The following NF1 variants were observed in gnomAD, a reference collection of about 807,000 sequenced individuals.
The protein encoded by NF1 is neurofibromin 1.
A neutral mutation model predicts 325.7 loss-of-function variants in NF1; 122 were observed. The ratio of observed to expected loss-of-function variants is 0.37; its 90% CI spans 0.32 to 0.44. NF1 has a LOEUF of 0.44. Among genes scored for constraint, NF1 ranks in the 20% least tolerant of loss-of-function variants. The probability of loss-of-function intolerance (pLI) is 1.00; values close to 1 mark genes in which losing one functional copy is unlikely to be tolerated. For missense variants in NF1, 2,140 were observed against 3,415.4 expected, an observed-to-expected ratio of 0.63 and a Z score of 9.31; for synonymous variants, 1,091 against 1,186.0, an observed-to-expected ratio of 0.92 and a Z score of 1.65.
chr17:31,128,299 C>G (rs887394073), intron 1 of NF1, among the ~76,000 whole-genome samples: 1 of 152,006 alleles, frequency 6.6e-6, no homozygotes. Flanking sequence ...TGCCTTTTAA[C>G]TGGGGCATTT....
chr17:31,305,060 A>C, intron 36 of NF1: 1 of 1,614,178 alleles, frequency 6.2e-7, no homozygotes, highest in Non-Finnish European at 8.5e-7. Context: ...TCTAAGATAA[A>C]TCCTGGTGTA....
intron 32 of NF1, 137 bp from the exon 33 acceptor site, chr17:31,258,895 G>A (rs2151462727): frequency 3.4e-6 from 2 of 579,924 alleles, no homozygotes; most frequent in Admixed American, 3.1e-5. Flanking sequence ...ATAATTTATA[G>A]AATGAGGAAT....
At chr17:31,367,307 GA>G in intron 57 of NF1, 1 of 1,279,218 alleles carries the variant, frequency 7.8e-7, no homozygotes, top group Non-Finnish European at 1.0e-6. Context: ...ATCTTTGCAC[GA>G]AAATACTGCT....
chr17:31,150,086 G>A (rs1265880583), intron 1 of NF1, among the ~76,000 whole-genome samples: 2 of 152,158 alleles, frequency 1.3e-5, no homozygotes, highest in African/African-American at 4.8e-5. Context: ...TATACAGGTC[G>A]AGTATCCCGT....
At chr17:31,280,402 A>C (rs774660615) in intron 36 of NF1, among the ~76,000 whole-genome samples, 2 of 150,796 alleles carry the variant, frequency 1.3e-5, no homozygotes, top group Non-Finnish European at 3.0e-5. Context: ...CTGTAATCCC[A>C]GCTACTCAGG....
chr17:31,337,958 A>G, intron 44 of NF1, 67 bp from the exon 45 acceptor site: 1 of 1,531,762 alleles, frequency 6.5e-7, no homozygotes. Flanking sequence ...GATCAATGTT[A>G]TAATTTATTA....
chr17:31,223,473 A>G lies in NF1; in HGVS notation c.1751A>G (p.Lys584Arg). The G allele has an allele frequency of 6.2e-7, 1 of 1,612,976 alleles. No individual in the cohort carries two copies. Among genetic ancestry groups the G allele is most frequent in the Admixed American group, 1.7e-5 (1 of 59,982 alleles). ...CAAATGCTTTTTTACATCTGCAAGA[A>G]ATTAACTAGTCATCAAATGCTTAGT... ...SSQMLFYICK[K>R]LTSHQMLSST... is the part of the protein sequence containing the mutation. Residue 584 changes from lysine to arginine, a missense_variant, in exon 16 of 58, where the codon AAA (lysine) becomes AGA (arginine). Coordinates refer to ENST00000358273, the MANE Select transcript of NF1 (RefSeq NM_001042492.3).
chr17:31,332,481 G>GAATA lies in NF1; in HGVS notation c.5812+1987_5812+1990dup, dbSNP rs761240017. Among the ~76,000 whole-genome samples, 23 of 151,206 alleles carry GAATA rather than the reference G, an allele frequency of 1.5e-4. No individual in the cohort carries two copies. The East Asian group carries it at 2.9e-3, about 19-fold the overall frequency. On this transcript the variant is annotated intron_variant, in intron 39 of 57. Transcript: ENST00000358273. ...TCTGTCTCAAAATAAATAAATGAAT[G>GAATA]AATAAATGAATGAATGAATGAATAA...
intron 36 of NF1, among the ~76,000 whole-genome samples, chr17:31,285,969 T>A (rs2068219406): frequency 6.6e-6 from 1 of 152,150 alleles, no homozygotes; most frequent in Non-Finnish European, 1.5e-5. Context: ...GAAAATGAGG[T>A]GTATCATGTG....
chr17:31,261,775 C>G lies in NF1; in HGVS notation c.4642C>G (p.Pro1548Ala), dbSNP rs876658396. The G allele has an allele frequency of 1.2e-6, 2 of 1,612,462 alleles. No homozygotes were observed. Among genetic ancestry groups the G allele is most frequent in the African/African-American group, 1.3e-5 (1 of 74,962 alleles). Residue 1548 changes from proline to alanine, a missense_variant, in exon 35 of 58, where the codon CCT becomes GCT. Coordinates refer to ENST00000358273, the MANE Select transcript of NF1 (RefSeq NM_001042492.3). ...KMATLLAYLG[P>A]PEHKPVADTH... is the part of the protein sequence containing the mutation. ...GGCAACACTTCTTGCATACCTGGGT[C>G]CTCCAGAGCACAAACCTGTGGCAGA...
intron 36 of NF1, among the ~76,000 whole-genome samples, chr17:31,325,400 GAAT>G (rs1419706115): frequency 1.3e-5 from 2 of 152,220 alleles, no homozygotes; most frequent in African/African-American, 4.8e-5. Context: ...GTCCTGGTTT[GAAT>G]AATGTGTTCA....
At position 31,148,941 on chromosome 17, in the gene NF1, C is replaced by G. The variant is rs543299766; in HGVS notation, c.61-7042C>G. ...ATTCCATATAGAATATGGATTCTAT[C>G]CTTTTCACTTCTACTTTCTTTTCAT... is the stretch of plus-strand genomic sequence containing the variant. On this transcript the variant is annotated intron_variant, in intron 1 of 57. Transcript: ENST00000358273. Among the ~76,000 whole-genome samples, 10 of 152,180 alleles carry G rather than the reference C, an allele frequency of 6.6e-5. No homozygotes were observed. The South Asian group carries it at 2.1e-3, about 32-fold the overall frequency.
chr17:31,146,100 G>A (rs1336183533), intron 1 of NF1, among the ~76,000 whole-genome samples: 2 of 152,108 alleles, frequency 1.3e-5, no homozygotes, highest in South Asian at 2.1e-4. Flanking sequence ...TCTGTGGGTC[G>A]GAGTCAAGGC....
intron 1 of NF1, among the ~76,000 whole-genome samples, chr17:31,148,561 T>C (rs550516143): frequency 6.6e-6 from 1 of 152,280 alleles, no homozygotes; most frequent in Admixed American, 6.5e-5. Flanking sequence ...GGCATTTTCA[T>C]TGGACAGAAA....
intron 57 of NF1, among the ~76,000 whole-genome samples, chr17:31,364,618 A>G (rs193180144): frequency 2.5e-4 from 38 of 152,344 alleles, no homozygotes; most frequent in African/African-American, 8.4e-4. Context: ...ACATAAAGCA[A>G]TTGTCTCTGA....
chr17:31,292,480 C>T (rs542110211), intron 36 of NF1, among the ~76,000 whole-genome samples: 9 of 152,110 alleles, frequency 5.9e-5, no homozygotes, highest in South Asian at 2.1e-4. Flanking sequence ...CCAAAATTTG[C>T]GCATATTCAA....
chr17:31,327,456 G>A, intron 37 of NF1, 43 bp from the exon 38 acceptor site: 2 of 1,488,104 alleles, frequency 1.3e-6, no homozygotes, highest in Non-Finnish European at 1.9e-6. Context: ...ATGTAAAAGA[G>A]TTTAATTCTT....
At chr17:31,320,386 G>A (rs2069152864) in intron 36 of NF1, 2 of 1,607,360 alleles carry the variant, frequency 1.2e-6, no homozygotes, top group Non-Finnish European at 1.7e-6. Context: ...GCTAGTATAG[G>A]TAGGGCCTGA....
intron 8 of NF1, among the ~76,000 whole-genome samples, chr17:31,187,212 T>C (rs968709022): frequency 1.3e-5 from 2 of 152,140 alleles, no homozygotes; most frequent in African/African-American, 4.8e-5. Flanking sequence ...TGTTTGTTTG[T>C]TTTTTGAGAT....
Sources: allele counts gnomAD v4.1 joint callset (sites outside exome capture counted in the v4.1 genomes callset), GRCh38; gene constraint gnomAD v4.1.1; transcripts MANE v1.5; gene names NCBI Gene and HGNC (gene_info 2026-07-23, HGNC 2026-07-21).